ASCC3: variants seen among roughly 807,000 people sequenced by gnomAD.
ASCC3 encodes the protein activating signal cointegrator 1 complex subunit 3, also known as ASC-1 complex subunit P200.
In ASCC3, 158 loss-of-function variants were observed where a neutral mutation model predicts 256.3. The observed-to-expected ratio is 0.62, with a 90% confidence interval of 0.54 to 0.70. ASCC3 has a LOEUF of 0.70. Ranked by LOEUF, ASCC3 falls within the 30% of genes least tolerant of loss-of-function variation. The pLI is 0.00. For synonymous variants in ASCC3, 948 were observed against 883.4 expected (o/e 1.07, Z -1.30); for missense variants, 2,259 against 2,626.0 (o/e 0.86, Z 3.05).
chr6:100,720,170 C>A (rs796142113), intron 11 of ASCC3, among the ~76,000 whole-genome samples: 55 of 151,892 alleles, frequency 3.6e-4, no homozygotes, highest in African/African-American at 1.3e-3. Flanking sequence ...ACTAATACTT[C>A]GAAAATATGA....
chr6:100,796,395 G>T (rs1769615912), intron 8 of ASCC3, among the ~76,000 whole-genome samples: 1 of 152,042 alleles, frequency 6.6e-6, no homozygotes, highest in Non-Finnish European at 1.5e-5. Context: ...TGCATACCAG[G>T]TTTATAACAG....
chr6:100,718,138 A>C lies in ASCC3; in HGVS notation c.2016T>G (p.Phe672Leu). The C allele has an allele frequency of 1.2e-6, 2 of 1,613,772 alleles. No homozygotes were observed. Among genetic ancestry groups the C allele is most frequent in the Non-Finnish European group, 1.7e-6 (2 of 1,179,814 alleles). The change falls in exon 12 of 42, where the codon TTT becomes TTG. Residue 672 changes from phenylalanine (F) to leucine (L), a missense_variant. By Grantham distance (22) the Phe-to-Leu change is conservative. Coordinates refer to ENST00000369162, the MANE Select transcript of ASCC3 (RefSeq NM_006828.4). ...GAGGTACTGGTCGAAAACGGCCATCAAAGAAGAAAAGTCCAATGTATGGAT... is the reference window on the plus strand; with the variant it reads ...GAGGTACTGGTCGAAAACGGCCATCCAAGAAGAAAAGTCCAATGTATGGAT... Reference protein sequence around the residue: ...HVNPYIGLFFFDGRFRPVPLG... With the variant: ...HVNPYIGLFFLDGRFRPVPLG...
chr6:100,714,052 T>C lies in ASCC3; in HGVS notation c.2151+1410A>G, dbSNP rs564864028. 2.2e-4 allele frequency among the ~76,000 whole-genome samples: 33 copies of C among 152,158 alleles called. 1 individual carries two copies. The highest frequency in any genetic ancestry group is 9.7e-4 in the East Asian group (5 of 5,170). ...CTCACGAGGCAATCCAGAACAGAGG[T>C]GGTAAATTATAGCCAGCAAGCCGCC... On this transcript the variant is annotated intron_variant, in intron 13 of 41. Coordinates refer to ENST00000369162, the MANE Select transcript of ASCC3 (RefSeq NM_006828.4).
chr6:100,783,010 CAA>C (rs5878647), intron 8 of ASCC3, among the ~76,000 whole-genome samples: 5 of 133,216 alleles, frequency 3.8e-5, no homozygotes, highest in African/African-American at 2.8e-5. Context: ...ATACCTATGC[CAA>C]AAAAAAAAAG....
intron 38 of ASCC3, 88 bp from the exon 39 acceptor site, chr6:100,516,415 TTTTTG>T: frequency 6.7e-7 from 1 of 1,487,248 alleles, no homozygotes; most frequent in Non-Finnish European, 9.2e-7. Flanking sequence ...ATTATAGCTT[TTTTTG>T]TTTTAATTAA....
chr6:100,572,524 G>C (rs1373093073), intron 36 of ASCC3, among the ~76,000 whole-genome samples: 1 of 151,942 alleles, frequency 6.6e-6, no homozygotes, highest in African/African-American at 2.4e-5. Context: ...AAGGGAATAG[G>C]GCATAGGGAA....
chr6:100,608,146 C>A (rs144462584), intron 30 of ASCC3, among the ~76,000 whole-genome samples: 124 of 40,986 alleles, frequency 3.0e-3, no homozygotes, highest in African/African-American at 7.7e-3. Flanking sequence ...GTATATATAT[C>A]TATATATACA....
At chr6:100,663,244 T>G (rs239224) in intron 14 of ASCC3, among the ~76,000 whole-genome samples, 11,165 of 152,078 alleles carry the variant, frequency 0.073, 609 homozygotes, top group African/African-American at 0.15. Flanking sequence ...AGTCCTTCCT[T>G]ATCTGTAGTT....
At chr6:100,799,610 T>C (rs1769812461) in intron 6 of ASCC3, 38 bp from the exon 7 acceptor site, 2 of 1,601,368 alleles carry the variant, frequency 1.2e-6, no homozygotes, top group Non-Finnish European at 1.7e-6. Flanking sequence ...GAAATGTTTA[T>C]CTTGAAAGGT....
intron 14 of ASCC3, among the ~76,000 whole-genome samples, chr6:100,667,285 G>A (rs1027826864): frequency 5.9e-5 from 9 of 152,134 alleles, no homozygotes; most frequent in Admixed American, 3.9e-4. Context: ...AAGGTAGGCA[G>A]CAGGATATAT....
At chr6:100,648,557 CAGTATTAGAAATTA>C (rs1408890370) in intron 20 of ASCC3, among the ~76,000 whole-genome samples, 2 of 151,828 alleles carry the variant, frequency 1.3e-5, no homozygotes, top group African/African-American at 4.8e-5. Context: ...TATTTTGTTT[CAGTATTAGAAATTA>C]AAGTACAAAA....
chr6:100,753,088 C>T (rs1165825735), intron 10 of ASCC3, among the ~76,000 whole-genome samples: 1 of 151,928 alleles, frequency 6.6e-6, no homozygotes, highest in Non-Finnish European at 1.5e-5. Flanking sequence ...CTTATAAGCA[C>T]CACACTCTTA....
At chr6:100,807,885 T>C (rs554198329) in intron 4 of ASCC3, among the ~76,000 whole-genome samples, 10 of 152,040 alleles carry the variant, frequency 6.6e-5, no homozygotes, top group Admixed American at 1.3e-4. Flanking sequence ...AAAGTATGTA[T>C]AAAATTGCTA....
At chr6:100,662,224 T>A in intron 15 of ASCC3, 121 bp downstream of exon 15, 7 of 1,199,578 alleles carry the variant, frequency 5.8e-6, no homozygotes, top group Non-Finnish European at 6.9e-6. Context: ...TCTGACCTTT[T>A]ATAAATAACA....
intron 36 of ASCC3, among the ~76,000 whole-genome samples, chr6:100,562,858 T>C (rs907251358): frequency 1.3e-5 from 2 of 152,086 alleles, no homozygotes; most frequent in Non-Finnish European, 2.9e-5. Context: ...GAAGACTGTT[T>C]AGCAGTGTTA....
intron 10 of ASCC3, among the ~76,000 whole-genome samples, chr6:100,762,076 C>T (rs141154695): frequency 4.0e-4 from 61 of 152,260 alleles, no homozygotes; most frequent in African/African-American, 1.2e-3. Flanking sequence ...ATTGCTGGAG[C>T]TTTGATCTAG....
At chr6:100,742,633 G>A (rs1244180287) in intron 10 of ASCC3, among the ~76,000 whole-genome samples, 5 of 152,206 alleles carry the variant, frequency 3.3e-5, no homozygotes, top group Admixed American at 6.5e-5. Flanking sequence ...CCTGCTTAAA[G>A]AAGCAGTCTG....
At chr6:100,541,007 T>A (rs1208430224) in intron 36 of ASCC3, among the ~76,000 whole-genome samples, 1 of 152,182 alleles carries the variant, frequency 6.6e-6, no homozygotes, top group Non-Finnish European at 1.5e-5. Flanking sequence ...CATCTTAGAT[T>A]TTTTAGGGTA....
intron 40 of ASCC3, among the ~76,000 whole-genome samples, chr6:100,510,564 C>A (rs771657282): frequency 3.9e-5 from 6 of 152,146 alleles, no homozygotes; most frequent in Non-Finnish European, 7.4e-5. Context: ...AGACTAGACT[C>A]TGGACCCCAA....
Sources: gnomAD v4.1 joint callset for allele counts (sites outside exome capture counted in the v4.1 genomes callset) on GRCh38, gnomAD v4.1.1 for gene constraint, MANE v1.5 for transcripts, NCBI Gene and HGNC (gene_info 2026-07-23, HGNC 2026-07-21) for gene names.